BPTF: variants seen among roughly 807,000 people sequenced by gnomAD.
BPTF encodes the protein bromodomain PHD finger transcription factor.
Under a neutral mutation model 292.5 loss-of-function variants are expected in BPTF, and 18 were observed. That is an observed-to-expected ratio of 0.06 (90% CI 0.04 to 0.09). The LOEUF is 0.09. BPTF is among the 10% of genes least tolerant of loss of function. The probability of loss-of-function intolerance (pLI) is 1.00; values close to 1 mark genes in which losing one functional copy is unlikely to be tolerated. For missense variants in BPTF, 2,726 were observed against 3,498.7 expected (o/e 0.78, Z 5.57); for synonymous variants, 1,225 against 1,251.9 (o/e 0.98, Z 0.45).
intron 21 of BPTF, among the ~76,000 whole-genome samples, chr17:67,947,315 C>T (rs1312987077): frequency 6.6e-6 from 1 of 152,022 alleles, no homozygotes; most frequent in Admixed American, 6.6e-5. Flanking sequence ...ATAGGGGAGA[C>T]GAGGGACAGT....
In BPTF at chr17:67,959,648, A is replaced by G. The variant is rs782130471; in HGVS notation, c.8034A>G (p.Pro2678=). 6.5e-5 allele frequency: 104 copies of G among 1,598,294 alleles called. No individual in the cohort carries two copies. Among genetic ancestry groups the G allele is most frequent in the Non-Finnish European group, 8.4e-5 (98 of 1,173,054 alleles). The part of the protein sequence containing the change: ...APCPPVTPAP[P]APPAPPPSPP... Reference sequence around the variant, plus strand: ...GCCCCCCAGTGACACCAGCTCCTCCAGCCCCTCCAGCCCCTCCACCTTCAC... The same window carrying G: ...GCCCCCCAGTGACACCAGCTCCTCCGGCCCCTCCAGCCCCTCCACCTTCAC... Residue 2678 remains proline (P), a synonymous_variant, in exon 24 of 28, where the codon CCA becomes CCG. Transcript: ENST00000306378.
chr17:67,826,066 C>T lies in BPTF; in HGVS notation c.342C>T (p.Thr114=), dbSNP rs1221918046. The T allele has an allele frequency of 7.9e-6, 10 of 1,269,574 alleles. No homozygotes were observed. The highest frequency in any genetic ancestry group is 4.7e-5 in the African/African-American group (3 of 64,226). 78.6% of individuals were successfully genotyped at this position (1,269,574 alleles called of 1,614,324 possible). A position where few individuals can be genotyped will look rare whatever the true frequency, so the allele number is the denominator to read the frequency against. ...GGGGGGHLAR[T]TAARRAVNKV... ...GCGGCGGCGGCCACCTGGCCCGGAC[C>T]ACCGCGGCCCGGAGGGCCGTCAACA... Residue 114 remains threonine, a synonymous_variant, in exon 1 of 28, where the codon ACC becomes ACT. Transcript: ENST00000306378.
At chr17:67,862,764 T>A (rs1204773870) in intron 2 of BPTF, among the ~76,000 whole-genome samples, 3 of 151,638 alleles carry the variant, frequency 2.0e-5, no homozygotes, top group Non-Finnish European at 4.4e-5. Context: ...AACTCAAAGG[T>A]GTCAGCAGGG....
chr17:67,964,725 GCA>G (rs1568198662), intron 25 of BPTF, among the ~76,000 whole-genome samples: 2 of 152,160 alleles, frequency 1.3e-5, no homozygotes, highest in Non-Finnish European at 2.9e-5. Flanking sequence ...TCTTGGCCGG[GCA>G]TGGTGGCTCA....
intron 4 of BPTF, among the ~76,000 whole-genome samples, chr17:67,883,272 C>T (rs1034154405): frequency 3.3e-5 from 5 of 151,950 alleles, no homozygotes; most frequent in African/African-American, 1.2e-4. Flanking sequence ...GCTGAGATCA[C>T]GCCACTGCAC....
At chr17:67,856,800 C>G (rs1388204363) in intron 2 of BPTF, among the ~76,000 whole-genome samples, 1 of 152,152 alleles carries the variant, frequency 6.6e-6, no homozygotes, top group Non-Finnish European at 1.5e-5. Context: ...CTTGTATTGT[C>G]ACTTAAATCC....
intron 2 of BPTF, among the ~76,000 whole-genome samples, chr17:67,864,225 T>G (rs1339365705): frequency 6.6e-6 from 1 of 151,930 alleles, no homozygotes; most frequent in Non-Finnish European, 1.5e-5. Flanking sequence ...AGTAACTAAG[T>G]ATAAAAAAAC....
chr17:67,959,003 C>T (rs2067213765), intron 23 of BPTF, among the ~76,000 whole-genome samples: 2 of 152,014 alleles, frequency 1.3e-5, no homozygotes, highest in Admixed American at 6.6e-5. Context: ...GAAAATAGTG[C>T]GTTATGTTGC....
chr17:67,883,281 A>C (rs199942998), intron 4 of BPTF, among the ~76,000 whole-genome samples: 2 of 152,182 alleles, frequency 1.3e-5, no homozygotes, highest in African/African-American at 2.4e-5. Context: ...ACGCCACTGC[A>C]CTTCAGCCTG....
chr17:67,946,118 G>T lies in BPTF; in HGVS notation c.7410G>T (p.Gln2470His), dbSNP rs2065796033. The T allele has an allele frequency of 6.2e-7, 1 of 1,614,000 alleles. No individual in the cohort carries two copies. Among genetic ancestry groups the T allele is most frequent in the African/African-American group, 1.3e-5 (1 of 74,882 alleles). Reference protein sequence around the residue: ...QSGVPQQIKLQLPIQIQQSSA... With the variant: ...QSGVPQQIKLHLPIQIQQSSA... ...GTGTGCCCCAGCAAATCAAACTCCAGTTACCTATCCAAATTCAGCAAAGCA... is the reference window on the plus strand; with the variant it reads ...GTGTGCCCCAGCAAATCAAACTCCATTTACCTATCCAAATTCAGCAAAGCA... Residue 2470 changes from glutamine to histidine, a missense_variant, in exon 21 of 28, where the codon CAG (glutamine) becomes CAT (histidine). Physicochemically the swap from Gln to His is conservative, Grantham distance 24. Around this residue, in one of 22 missense-constraint regions of BPTF, gnomAD observed 570 missense variants for 633.5 expected, o/e 0.90. Transcript: ENST00000306378.
chr17:67,911,364 T>G lies in BPTF; in HGVS notation c.3480T>G (p.Leu1160=), dbSNP rs775779038. The part of the protein sequence containing the change: ...MSDPSHTTNK[L]YPKDRVLDDV... ...ATCCTAGTCATACCACAAACAAACT[T>G]TATCCAAAAGATCGAGTGTTAGATG... The change falls in exon 11 of 28, where the codon CTT becomes CTG. Residue 1160 remains leucine (L), a synonymous_variant. Transcript: ENST00000306378. 5.6e-6 allele frequency: 9 copies of G among 1,614,032 alleles called. No individual in the cohort carries two copies. The highest frequency in any genetic ancestry group is 6.8e-6 in the Non-Finnish European group (8 of 1,179,998).
At chr17:67,954,442 T>C (rs1200601615) in intron 23 of BPTF, among the ~76,000 whole-genome samples, 4 of 152,124 alleles carry the variant, frequency 2.6e-5, no homozygotes, top group East Asian at 1.9e-4. Flanking sequence ...CAAAGCCCAG[T>C]GGAGCCCAGT....
Position 67,911,031 on chromosome 17 carries a change from T to C in BPTF, c.3147T>C (p.Thr1049=). The change falls in exon 11 of 28, where the codon ACT becomes ACC. Residue 1049 remains threonine, a synonymous_variant. Coordinates refer to ENST00000306378, the MANE Select transcript of BPTF (RefSeq NM_182641.4). The part of the protein sequence containing the change: ...VNVSEGFHLR[T]SYKKKTKSSK... ...TTAGTGAGGGTTTTCATCTAAGGAC[T>C]AGTTACAAAAAGAAAACAAAATCAT... The C allele has an allele frequency of 2.5e-6, 4 of 1,613,918 alleles. No homozygotes were observed. Among genetic ancestry groups the C allele is most frequent in the Non-Finnish European group, 3.4e-6 (4 of 1,179,870 alleles).
chr17:67,953,099 C>CT (rs1480230897), intron 23 of BPTF, among the ~76,000 whole-genome samples: 1 of 150,296 alleles, frequency 6.7e-6, no homozygotes, highest in Non-Finnish European at 1.5e-5. Context: ...GTAGCTGGGA[C>CT]TACAGGCGCA....
intron 12 of BPTF, 148 bp from the exon 13 acceptor site, chr17:67,919,867 C>T (rs1048605921): frequency 2.3e-5 from 16 of 688,422 alleles, no homozygotes; most frequent in Non-Finnish European, 3.3e-5. Context: ...AGCAGTGATC[C>T]TGCTAGATGT....
chr17:67,914,266 AAAGT>A (rs1437076217), intron 11 of BPTF, among the ~76,000 whole-genome samples: 20 of 152,216 alleles, frequency 1.3e-4, no homozygotes, highest in African/African-American at 4.3e-4. Context: ...GCTAGAAAAA[AAAGT>A]AAGTACTCTC....
At chr17:67,954,752 C>T (rs2066758150) in intron 23 of BPTF, among the ~76,000 whole-genome samples, 1 of 152,184 alleles carries the variant, frequency 6.6e-6, no homozygotes, top group African/African-American at 2.4e-5. Context: ...GCCCACTATA[C>T]AATCTTGGTT....
chr17:67,835,912 A>G lies in BPTF; in HGVS notation c.613+9575A>G, dbSNP rs185848463. 5.4e-3 allele frequency among the ~76,000 whole-genome samples: 825 copies of G among 151,812 alleles called. 8 individuals are homozygous for G. Among genetic ancestry groups the G allele is most frequent in the Non-Finnish European group, 7.8e-3 (532 of 67,902 alleles). On this transcript the variant is annotated intron_variant, in intron 1 of 27. Transcript: ENST00000306378. Reference sequence around the variant, plus strand: ...GATTTCCTGACCTTGTGATCCGCCCACCTCAGCCTCCCAAAGTGCTGGGAT... The same window carrying G: ...GATTTCCTGACCTTGTGATCCGCCCGCCTCAGCCTCCCAAAGTGCTGGGAT...
At chr17:67,827,604 CCT>C (rs1491538094) in intron 1 of BPTF, among the ~76,000 whole-genome samples, 1 of 152,040 alleles carries the variant, frequency 6.6e-6, no homozygotes, top group African/African-American at 2.4e-5. Flanking sequence ...GGAAAAAAGA[CCT>C]TTTTTTTCGT....
Sources: gnomAD v4.1 joint callset for allele counts (sites outside exome capture counted in the v4.1 genomes callset) on GRCh38, gnomAD v4.1.1 for gene constraint, gnomAD v4.1.1 regional missense constraint, MANE v1.5 for transcripts, NCBI Gene and HGNC (gene_info 2026-07-23, HGNC 2026-07-21) for gene names.